GRXCR1: variants seen among roughly 807,000 people sequenced by gnomAD.
The protein encoded by GRXCR1 is glutaredoxin domain-containing cysteine-rich protein 1.
A neutral mutation model predicts 27.3 loss-of-function variants in GRXCR1; 27 were observed. The observed-to-expected ratio is 0.99, with a 90% CI of 0.73 to 1.37. The LOEUF (loss-of-function observed/expected upper bound fraction) is 1.37, where lower values mean the gene tolerates loss of function less well. Among genes scored for constraint, GRXCR1 ranks in the 40% most tolerant of loss-of-function variants. GRXCR1 has a pLI of 0.00. For missense variants in GRXCR1, 379 were observed against 354.4 expected, an observed-to-expected ratio of 1.07 and a Z score of -0.56; for synonymous variants, 122 against 131.1, an observed-to-expected ratio of 0.93 and a Z score of 0.47.
At position 42,902,114 on chromosome 4, in the gene GRXCR1, A is replaced by C. The variant is rs1179780599; in HGVS notation, c.384+8464A>C. ...ATCTAGTTGTATCTTAGTATTATAT[A>C]CCTTACTGAGTAAATATAACACAGT... On this transcript the variant is annotated intron_variant, in intron 1 of 3. Transcript: ENST00000399770. Among the ~76,000 whole-genome samples, 3 of 152,262 alleles carry C rather than the reference A, an allele frequency of 2.0e-5. No individual in the cohort carries two copies. The East Asian group carries it at 5.8e-4, about 29-fold the overall frequency.
intron 3 of GRXCR1, among the ~76,000 whole-genome samples, chr4:43,028,986 C>A (rs1298609693): frequency 6.6e-6 from 1 of 152,130 alleles, no homozygotes; most frequent in African/African-American, 2.4e-5. Flanking sequence ...ATATAATAGT[C>A]AAGTCAAACT....
intron 1 of GRXCR1, among the ~76,000 whole-genome samples, chr4:42,920,289 G>T (rs775460664): frequency 6.6e-6 from 1 of 152,102 alleles, no homozygotes; most frequent in African/African-American, 2.4e-5. Context: ...CAACTAAAGA[G>T]AATGTTTTAA....
At chr4:42,992,175 A>G (rs1711994684) in intron 2 of GRXCR1, among the ~76,000 whole-genome samples, 3 of 152,158 alleles carry the variant, frequency 2.0e-5, no homozygotes, top group South Asian at 4.1e-4. Flanking sequence ...TTATACCACC[A>G]CCTTACTCAG....
chr4:42,899,968 G>C (rs1385131162), intron 1 of GRXCR1, among the ~76,000 whole-genome samples: 1 of 152,032 alleles, frequency 6.6e-6, no homozygotes, highest in Non-Finnish European at 1.5e-5. Context: ...GCTTATGGGT[G>C]GCCCATGATT....
At chr4:43,000,620 T>C (rs1560682382) in intron 2 of GRXCR1, among the ~76,000 whole-genome samples, 1 of 152,234 alleles carries the variant, frequency 6.6e-6, no homozygotes, top group East Asian at 1.9e-4. Flanking sequence ...TCTATTTTAC[T>C]ATTAATTGTT....
intron 2 of GRXCR1, among the ~76,000 whole-genome samples, chr4:42,997,176 A>G (rs1253445134): frequency 6.6e-6 from 1 of 152,220 alleles, no homozygotes; most frequent in Non-Finnish European, 1.5e-5. Context: ...GGTAAGATAC[A>G]TTTGGGGTAG....
intron 1 of GRXCR1, among the ~76,000 whole-genome samples, chr4:42,929,389 G>A (rs1747248111): frequency 6.6e-6 from 1 of 151,960 alleles, no homozygotes; most frequent in Non-Finnish European, 1.5e-5. Flanking sequence ...AGTGGCACTA[G>A]CATTAGGGCC....
intron 1 of GRXCR1, among the ~76,000 whole-genome samples, chr4:42,920,622 T>A (rs1051150787): frequency 3.9e-5 from 6 of 152,134 alleles, no homozygotes; most frequent in Non-Finnish European, 7.3e-5. Flanking sequence ...TGTCAGTGGG[T>A]CCTTTTATCT....
chr4:42,938,034 T>A (rs964672168), intron 1 of GRXCR1, among the ~76,000 whole-genome samples: 1 of 151,972 alleles, frequency 6.6e-6, no homozygotes, highest in African/African-American at 2.4e-5. Context: ...CATCTAACTA[T>A]ATTTTTGTAC....
At chr4:42,952,940 T>G (rs932372636) in intron 1 of GRXCR1, among the ~76,000 whole-genome samples, 2 of 152,214 alleles carry the variant, frequency 1.3e-5, no homozygotes, top group African/African-American at 4.8e-5. Context: ...TCTGATTCTA[T>G]GCTCACTAAG....
intron 2 of GRXCR1, among the ~76,000 whole-genome samples, chr4:43,008,844 T>C (rs1272894168): frequency 6.6e-6 from 1 of 152,230 alleles, no homozygotes; most frequent in Non-Finnish European, 1.5e-5. Flanking sequence ...TTTTAAGACT[T>C]AAAATTTTAA....
chr4:42,945,674 C>T (rs893994514), intron 1 of GRXCR1, among the ~76,000 whole-genome samples: 2 of 152,034 alleles, frequency 1.3e-5, no homozygotes, highest in African/African-American at 4.8e-5. Flanking sequence ...GTGAGTGCTA[C>T]CAGGTGGAGG....
chr4:42,920,608 T>A (rs932248599), intron 1 of GRXCR1, among the ~76,000 whole-genome samples: 1 of 152,148 alleles, frequency 6.6e-6, no homozygotes, highest in Non-Finnish European at 1.5e-5. Flanking sequence ...CAGATCCCAG[T>A]GCATGTCAGT....
At chr4:42,923,264 C>T (rs1242691446) in intron 1 of GRXCR1, among the ~76,000 whole-genome samples, 1 of 152,122 alleles carries the variant, frequency 6.6e-6, no homozygotes, top group East Asian at 1.9e-4. Context: ...TGGGTAATAG[C>T]AGTAGGATAT....
At chr4:43,022,301 T>A (rs144957235) in intron 3 of GRXCR1, among the ~76,000 whole-genome samples, 38 of 152,314 alleles carry the variant, frequency 2.5e-4, no homozygotes, top group Non-Finnish European at 4.3e-4. Context: ...TAATTGCTTT[T>A]CTTTGTACAG....
intron 2 of GRXCR1, among the ~76,000 whole-genome samples, chr4:43,006,071 T>C (rs1712547702): frequency 6.6e-6 from 1 of 152,172 alleles, no homozygotes; most frequent in African/African-American, 2.4e-5. Flanking sequence ...TCTCTAAACA[T>C]ACATTGTAAA....
chr4:42,903,559 G>A lies in GRXCR1; in HGVS notation c.384+9909G>A, dbSNP rs367851294. On this transcript the variant is annotated intron_variant, in intron 1 of 3. Coordinates refer to ENST00000399770, the MANE Select transcript of GRXCR1 (RefSeq NM_001080476.3). ...TATCTCCAGACCTTGTGATCCGCCCGCCTTGGCCTCCCAGAGTGCTGGGAT... is the reference window on the plus strand; with the variant it reads ...TATCTCCAGACCTTGTGATCCGCCCACCTTGGCCTCCCAGAGTGCTGGGAT... Among the ~76,000 whole-genome samples, 22 of 147,424 alleles carry A rather than the reference G, an allele frequency of 1.5e-4. 2 individuals carry two copies. The South Asian group carries it at 1.7e-3, about 11-fold the overall frequency.
At chr4:42,969,174 A>G (rs907165625) in intron 2 of GRXCR1, among the ~76,000 whole-genome samples, 5 of 152,172 alleles carry the variant, frequency 3.3e-5, no homozygotes, top group African/African-American at 1.2e-4. Flanking sequence ...CCATTAACAG[A>G]AAGTTAAGTG....
At chr4:42,923,231 C>G (rs1747063891) in intron 1 of GRXCR1, among the ~76,000 whole-genome samples, 2 of 152,112 alleles carry the variant, frequency 1.3e-5, no homozygotes, top group South Asian at 4.1e-4. Context: ...CCTCTGTCCC[C>G]CTTACCTTCT....
Sources: allele counts gnomAD v4.1 joint callset (sites outside exome capture counted in the v4.1 genomes callset), GRCh38; gene constraint gnomAD v4.1.1; transcripts MANE v1.5; gene names NCBI Gene and HGNC (gene_info 2026-07-23, HGNC 2026-07-21).